Variants in MACROD2 observed in about 807,000 individuals in gnomAD.
The protein encoded by MACROD2 is ADP-ribose glycohydrolase MACROD2.
In MACROD2, 36 loss-of-function variants were observed where a neutral mutation model predicts 70.4. The observed-to-expected ratio is 0.51, with a 90% CI of 0.39 to 0.68. The LOEUF (loss-of-function observed/expected upper bound fraction) is 0.68, where lower values mean the gene tolerates loss of function less well. MACROD2 is among the 30% of genes least tolerant of loss of function. The pLI, the probability that MACROD2 is intolerant of heterozygous loss-of-function variation, is 0.00. For missense variants in MACROD2, 496 were observed against 538.4 expected (o/e 0.92, Z 0.78); for synonymous variants, 172 against 178.8 (o/e 0.96, Z 0.30).
At chr20:15,442,682 A>G (rs557431171) in intron 7 of MACROD2, among the ~76,000 whole-genome samples, 4 of 152,250 alleles carry the variant, frequency 2.6e-5, no homozygotes, top group African/African-American at 7.2e-5. Flanking sequence ...CTACAATTCT[A>G]TTACATGGAA....
chr20:15,935,619 T>G lies in MACROD2; in HGVS notation c.839-1857T>G, dbSNP rs1001067433. ...TCTTAAAACACTGTAATCCAGCAGT[T>G]TTGACTGTTGTCATGATCAAATCAG... On this transcript the variant is annotated intron_variant, in intron 11 of 17. Coordinates refer to ENST00000684519, the MANE Select transcript of MACROD2 (RefSeq NM_001351661.2). Among the ~76,000 whole-genome samples, 11 of 152,306 alleles carry G rather than the reference T, an allele frequency of 7.2e-5. No individual in the cohort carries two copies. The East Asian group carries it at 2.1e-3, about 29-fold the overall frequency.
intron 8 of MACROD2, among the ~76,000 whole-genome samples, chr20:15,836,503 T>C (rs2064116078): frequency 6.6e-6 from 1 of 152,220 alleles, no homozygotes; most frequent in Non-Finnish European, 1.5e-5. Flanking sequence ...TCCAGATATA[T>C]AACAAAATAT....
At chr20:14,920,539 T>A (rs1305276931) in intron 5 of MACROD2, among the ~76,000 whole-genome samples, 1 of 152,212 alleles carries the variant, frequency 6.6e-6, no homozygotes, top group Non-Finnish European at 1.5e-5. Flanking sequence ...CTCATTTAAT[T>A]TTTTCTTCTT....
chr20:14,695,250 G>GC (rs1291839098), intron 5 of MACROD2, among the ~76,000 whole-genome samples: 2 of 152,018 alleles, frequency 1.3e-5, no homozygotes, highest in Non-Finnish European at 2.9e-5. Flanking sequence ...GCTTCCATTG[G>GC]CCTCAGGTGT....
At chr20:14,971,555 A>G (rs1292858451) in intron 5 of MACROD2, among the ~76,000 whole-genome samples, 2 of 152,092 alleles carry the variant, frequency 1.3e-5, no homozygotes, top group Admixed American at 6.6e-5. Context: ...GCTTAAAATA[A>G]TGTATCATTA....
chr20:14,714,091 C>G (rs2071369235), intron 5 of MACROD2, among the ~76,000 whole-genome samples: 5 of 152,104 alleles, frequency 3.3e-5, no homozygotes, highest in Admixed American at 3.3e-4. Flanking sequence ...AGTGGAAAAG[C>G]AACCTCAAAA....
intron 3 of MACROD2, among the ~76,000 whole-genome samples, chr20:14,257,503 T>C (rs1193512782): frequency 6.6e-6 from 1 of 152,162 alleles, no homozygotes; most frequent in Non-Finnish European, 1.5e-5. Context: ...TTATGTTGTA[T>C]GAAAACTCTA....
chr20:14,156,582 T>C (rs1245596533), intron 3 of MACROD2, among the ~76,000 whole-genome samples: 2 of 152,340 alleles, frequency 1.3e-5, no homozygotes, highest in East Asian at 3.9e-4. Flanking sequence ...GTATAATCAT[T>C]CAAAAAGTTT....
At chr20:14,973,477 C>T (rs955288494) in intron 5 of MACROD2, among the ~76,000 whole-genome samples, 1 of 152,078 alleles carries the variant, frequency 6.6e-6, no homozygotes, top group East Asian at 1.9e-4. Context: ...CCCACCTCAG[C>T]CTCCCAAAGT....
intron 4 of MACROD2, among the ~76,000 whole-genome samples, chr20:14,514,179 G>A (rs2085063161): frequency 6.6e-6 from 1 of 152,056 alleles, no homozygotes; most frequent in Non-Finnish European, 1.5e-5. Context: ...CTCTCTTTGA[G>A]GACTAGCATA....
chr20:15,409,674 C>T (rs1216350807), intron 6 of MACROD2, among the ~76,000 whole-genome samples: 2 of 152,200 alleles, frequency 1.3e-5, no homozygotes, highest in Non-Finnish European at 1.5e-5. Flanking sequence ...GGATCCGATA[C>T]AGTTGCATTA....
intron 8 of MACROD2, among the ~76,000 whole-genome samples, chr20:15,638,989 C>T (rs571779671): frequency 1.3e-4 from 20 of 152,202 alleles, no homozygotes; most frequent in South Asian, 4.1e-4. Context: ...AAAAGGCTCC[C>T]GATAAATGCT....
At chr20:15,444,419 G>A (rs2046535338) in intron 7 of MACROD2, among the ~76,000 whole-genome samples, 1 of 152,128 alleles carries the variant, frequency 6.6e-6, no homozygotes, top group African/African-American at 2.4e-5. Flanking sequence ...GTGGTGTTCT[G>A]TAGTTAATTT....
At chr20:14,882,293 C>A (rs2073619299) in intron 5 of MACROD2, among the ~76,000 whole-genome samples, 1 of 152,150 alleles carries the variant, frequency 6.6e-6, no homozygotes, top group Non-Finnish European at 1.5e-5. Context: ...ATTCCCTGTG[C>A]ACTCACTGAA....
chr20:15,570,496 A>G (rs928331499), intron 8 of MACROD2, among the ~76,000 whole-genome samples: 4 of 152,208 alleles, frequency 2.6e-5, no homozygotes, highest in African/African-American at 9.6e-5. Context: ...ACCCAATTCA[A>G]ACCAGCTCAA....
chr20:14,679,813 G>A (rs2070909420), intron 4 of MACROD2, among the ~76,000 whole-genome samples: 1 of 152,024 alleles, frequency 6.6e-6, no homozygotes, highest in Non-Finnish European at 1.5e-5. Flanking sequence ...GTGGTATGTA[G>A]TTCCATTGTT....
At chr20:15,739,250 G>A (rs1337680240) in intron 8 of MACROD2, among the ~76,000 whole-genome samples, 1 of 152,176 alleles carries the variant, frequency 6.6e-6, no homozygotes, top group Non-Finnish European at 1.5e-5. Flanking sequence ...TTTTGATGAT[G>A]TTGAGTCAGA....
chr20:14,515,987 A>G (rs925642489), intron 4 of MACROD2, among the ~76,000 whole-genome samples: 5 of 147,558 alleles, frequency 3.4e-5, no homozygotes, highest in African/African-American at 1.2e-4. Flanking sequence ...ATAAAATATA[A>G]TTTATTTTAT....
intron 5 of MACROD2, among the ~76,000 whole-genome samples, chr20:15,101,139 A>C (rs1456875584): frequency 1.3e-5 from 2 of 152,146 alleles, no homozygotes; most frequent in Non-Finnish European, 2.9e-5. Context: ...AGGTACAGTA[A>C]GTTGATAAAA....
Sources: gnomAD v4.1 joint callset for allele counts (sites outside exome capture counted in the v4.1 genomes callset) on GRCh38, gnomAD v4.1.1 for gene constraint, MANE v1.5 for transcripts, NCBI Gene and HGNC (gene_info 2026-07-23, HGNC 2026-07-21) for gene names.